The following SDK1 variants were observed in gnomAD, a reference collection of about 807,000 sequenced individuals.
SDK1 encodes the protein protein sidekick-1.
SDK1 carries 157 observed loss-of-function variants against 245.5 expected under a neutral mutation model. The observed-to-expected ratio is 0.64, with a 90% confidence interval of 0.56 to 0.73. The LOEUF is 0.73. SDK1 is among the 30% of genes least tolerant of loss of function. SDK1 has a pLI of 0.00. For synonymous variants in SDK1, 1,647 were observed against 1,278.5 expected (o/e 1.29, Z -6.15); for missense variants, 3,583 against 3,002.3 (o/e 1.19, Z -4.52).
At chr7:4,243,802 G>A (rs1233297782) in intron 43 of SDK1, among the ~76,000 whole-genome samples, 1 of 152,138 alleles carries the variant, frequency 6.6e-6, no homozygotes, top group Non-Finnish European at 1.5e-5. Flanking sequence ...TGAAGGAAAG[G>A]ATTCTCTGCT....
At chr7:3,939,914 C>G (rs549440293) in intron 5 of SDK1, among the ~76,000 whole-genome samples, 1 of 152,324 alleles carries the variant, frequency 6.6e-6, no homozygotes, top group Non-Finnish European at 1.5e-5. Context: ...AAAAACTTAC[C>G]TGATTTTAAG....
At chr7:3,859,412 A>G (rs1186814119) in intron 5 of SDK1, among the ~76,000 whole-genome samples, 1 of 152,130 alleles carries the variant, frequency 6.6e-6, no homozygotes, top group Non-Finnish European at 1.5e-5. Context: ...CAGTAACAGA[A>G]AACCTCAACT....
At chr7:3,669,225 G>A (rs375705073) in intron 4 of SDK1, among the ~76,000 whole-genome samples, 1 of 152,172 alleles carries the variant, frequency 6.6e-6, no homozygotes, top group African/African-American at 2.4e-5. Context: ...CAAATTATAA[G>A]AGCATGGAAA....
At position 3,644,883 on chromosome 7, in the gene SDK1, A is replaced by G. The variant is rs1054082983; in HGVS notation, c.713+2778A>G. The stretch of plus-strand genomic sequence containing the variant: ...AGAAGTTTCCAGTGCTGACCACAGT[A>G]TGACCAGGCAAACTTAGGATAAATG... On this transcript the variant is annotated intron_variant, in intron 4 of 44. Transcript: ENST00000404826. Among the ~76,000 whole-genome samples the G allele has an allele frequency of 2.8e-4, 42 of 151,714 alleles. 1 individual carries two copies. The highest frequency in any genetic ancestry group is 2.4e-3 in the Admixed American group (37 of 15,222).
At chr7:3,870,558 T>A (rs1266562039) in intron 5 of SDK1, among the ~76,000 whole-genome samples, 4 of 146,750 alleles carry the variant, frequency 2.7e-5, no homozygotes, top group African/African-American at 1.0e-4. Flanking sequence ...CATTTACCTT[T>A]TTGTAAAAAA....
chr7:3,527,150 A>G (rs1424655847), intron 1 of SDK1, among the ~76,000 whole-genome samples: 1 of 152,206 alleles, frequency 6.6e-6, no homozygotes, highest in African/African-American at 2.4e-5. Flanking sequence ...TGTTTTATAT[A>G]CACATTTCTT....
intron 44 of SDK1, among the ~76,000 whole-genome samples, chr7:4,246,532 T>TA (rs2128239481): frequency 6.6e-6 from 1 of 152,244 alleles, no homozygotes; most frequent in East Asian, 1.9e-4. Context: ...GTGACCCCTT[T>TA]ACCAGATAGG....
intron 4 of SDK1, among the ~76,000 whole-genome samples, chr7:3,645,373 C>G (rs1477888677): frequency 1.3e-5 from 2 of 152,120 alleles, no homozygotes; most frequent in Admixed American, 6.6e-5. Flanking sequence ...TTACAAGGCC[C>G]TTTAGTTTCG....
chr7:3,441,160 T>C lies in SDK1; in HGVS notation c.298+139276T>C, dbSNP rs572251967. ...GAGACAGCCCATGTTCACATAACTATTATTACAGTATGTTATAATTCTATT... is the reference window on the plus strand; with the variant it reads ...GAGACAGCCCATGTTCACATAACTACTATTACAGTATGTTATAATTCTATT... On this transcript the variant is annotated intron_variant, in intron 1 of 44. Coordinates refer to ENST00000404826, the MANE Select transcript of SDK1 (RefSeq NM_152744.4). Among the ~76,000 whole-genome samples the C allele has an allele frequency of 2.4e-4, 36 of 152,364 alleles. No homozygotes were observed. The South Asian group carries it at 7.5e-3, about 32-fold the overall frequency.
At chr7:3,576,845 G>A (rs1436166890) in intron 1 of SDK1, among the ~76,000 whole-genome samples, 1 of 152,038 alleles carries the variant, frequency 6.6e-6, no homozygotes, top group Non-Finnish European at 1.5e-5. Flanking sequence ...CATAGTCTCT[G>A]CAAAGCAGAA....
chr7:3,524,856 G>A (rs1158481575), intron 1 of SDK1, among the ~76,000 whole-genome samples: 1 of 152,096 alleles, frequency 6.6e-6, no homozygotes, highest in African/African-American at 2.4e-5. Context: ...TTTAAAAACT[G>A]TGGGAATGTA....
At chr7:3,582,958 A>G (rs184401542) in intron 1 of SDK1, among the ~76,000 whole-genome samples, 2 of 152,322 alleles carry the variant, frequency 1.3e-5, no homozygotes, top group East Asian at 3.9e-4. Flanking sequence ...TCGTATAGGT[A>G]ATGATCATGC....
chr7:3,754,668 C>G (rs779345058), intron 4 of SDK1, among the ~76,000 whole-genome samples: 3 of 139,320 alleles, frequency 2.2e-5, no homozygotes, highest in Admixed American at 7.7e-5. Flanking sequence ...GACGTGGTTT[C>G]TAAGTAAGGG....
At chr7:3,750,887 CTG>C (rs1437940246) in intron 4 of SDK1, among the ~76,000 whole-genome samples, 5 of 152,236 alleles carry the variant, frequency 3.3e-5, no homozygotes, top group East Asian at 3.8e-4. Flanking sequence ...AGTTGTGAAA[CTG>C]TGCCTGGATG....
chr7:3,540,082 G>A (rs1024093850), intron 1 of SDK1, among the ~76,000 whole-genome samples: 5 of 152,174 alleles, frequency 3.3e-5, no homozygotes, highest in African/African-American at 1.2e-4. Flanking sequence ...TTTGATTGAA[G>A]GCCTTCTCAT....
At chr7:3,561,090 C>T (rs993032322) in intron 1 of SDK1, among the ~76,000 whole-genome samples, 5 of 152,106 alleles carry the variant, frequency 3.3e-5, no homozygotes, top group Non-Finnish European at 5.9e-5. Flanking sequence ...CCTTCCCCAC[C>T]CCTAGTGCAA....
chr7:3,391,877 C>T (rs1476969839), intron 1 of SDK1, among the ~76,000 whole-genome samples: 5 of 151,558 alleles, frequency 3.3e-5, no homozygotes, highest in Non-Finnish European at 5.9e-5. Context: ...AATGCACCTG[C>T]GTTGCCCTCC....
chr7:3,982,870 TGGG>T (rs1438734672), intron 13 of SDK1, among the ~76,000 whole-genome samples: 1 of 150,946 alleles, frequency 6.6e-6, no homozygotes, highest in Non-Finnish European at 1.5e-5. Context: ...TTGTGATTCA[TGGG>T]AGGAGATCAC....
chr7:3,304,228 T>A (rs1295954582), intron 1 of SDK1, among the ~76,000 whole-genome samples: 1 of 152,240 alleles, frequency 6.6e-6, no homozygotes, highest in Non-Finnish European at 1.5e-5. Context: ...TTGTATGCTC[T>A]GCTTATTGCT....
Sources: allele counts gnomAD v4.1 joint callset (sites outside exome capture counted in the v4.1 genomes callset), GRCh38; gene constraint gnomAD v4.1.1; transcripts MANE v1.5; gene names NCBI Gene and HGNC (gene_info 2026-07-23, HGNC 2026-07-21).